Variants in GSE1 observed in about 807,000 individuals in gnomAD.
The protein encoded by GSE1 is Gse1 coiled-coil protein, also known as genetic suppressor element 1.
In GSE1, 32 loss-of-function variants were observed where a neutral mutation model predicts 112.6. That is an observed-to-expected ratio of 0.28 (90% CI 0.21 to 0.38). GSE1 has a LOEUF of 0.38. Among genes scored for constraint, GSE1 ranks in the 10% least tolerant of loss-of-function variants. The pLI, the probability that GSE1 is intolerant of heterozygous loss-of-function variation, is 1.00. For missense variants in GSE1, 2,348 were observed against 1,699.2 expected (o/e 1.38, Z -6.71); for synonymous variants, 1,115 against 735.6 (o/e 1.52, Z -8.35).
intron 2 of GSE1, among the ~76,000 whole-genome samples, chr16:85,487,393 T>C (rs1358638055): frequency 6.6e-6 from 1 of 152,168 alleles, no homozygotes; most frequent in Non-Finnish European, 1.5e-5. Context: ...TTCCTGGCTG[T>C]GACAGGCATG....
chr16:85,371,552 G>C (rs563138696), intron 2 of GSE1, among the ~76,000 whole-genome samples: 1 of 152,300 alleles, frequency 6.6e-6, no homozygotes, highest in Admixed American at 6.5e-5. Flanking sequence ...AGGATTCTAA[G>C]GGGGCGTGGC....
At chr16:85,508,017 C>T (rs982506996) in intron 2 of GSE1, among the ~76,000 whole-genome samples, 6 of 152,138 alleles carry the variant, frequency 3.9e-5, no homozygotes, top group African/African-American at 7.2e-5. Flanking sequence ...GCCAGTGCCC[C>T]GACTTCTAAC....
rs1466486347 is a variant in GSE1 at position 85,648,595 on chromosome 16, C to A, written c.270C>A (p.Ala90=). The A allele has an allele frequency of 1.2e-6, 2 of 1,605,310 alleles. No homozygotes were observed. The highest frequency in any genetic ancestry group is 1.1e-5 in the South Asian group (1 of 90,268). ...AGTCGTCCCCCGTGTCCTCTCCGGC[C>A]ACCAACCACAGCTCCCCCGCCAGCA... is the stretch of plus-strand genomic sequence containing the variant. The part of the protein sequence containing the change: ...SSESSPVSSP[A]TNHSSPASTP... The change falls in exon 3 of 16, where the codon GCC becomes GCA. Residue 90 remains alanine (A), a synonymous_variant. Coordinates refer to ENST00000253458, the MANE Select transcript of GSE1 (RefSeq NM_014615.5).
intron 2 of GSE1, among the ~76,000 whole-genome samples, chr16:85,444,312 G>A (rs1311736338): frequency 6.6e-6 from 1 of 152,172 alleles, no homozygotes; most frequent in African/African-American, 2.4e-5. Flanking sequence ...CAGCCCAAAG[G>A]ACATAAGCAA....
At chr16:85,287,534 C>A (rs747631298) in intron 1 of GSE1, among the ~76,000 whole-genome samples, 2 of 152,134 alleles carry the variant, frequency 1.3e-5, no homozygotes, top group South Asian at 2.1e-4. Context: ...CCAGCCACGC[C>A]GCTGCCTCAG....
rs116301914 is a variant in GSE1 at position 85,188,821 on chromosome 16, C to A, written c.2283+17014C>A. Among the ~76,000 whole-genome samples, 166 of 124,412 alleles carry A rather than the reference C, an allele frequency of 1.3e-3. 1 individual carries two copies. Among genetic ancestry groups the A allele is most frequent in the Middle Eastern group, 4.4e-3 (1 of 226 alleles). The allele number at this position is 124,412 out of a possible 152,430, so 81.6% of individuals were successfully genotyped here. On this transcript the variant is annotated intron_variant, in intron 1 of 2. Transcript: ENST00000637419. ...ATCTCTATCTTAAAAAAAAAAAAAA[C>A]AAAACAAAAAAACACAGGAGTTTAC...
chr16:85,627,693 CAT>C, intron 1 of GSE1, among the ~76,000 whole-genome samples: 1 of 152,172 alleles, frequency 6.6e-6, no homozygotes, highest in South Asian at 2.1e-4. Context: ...CCCCGGCCCT[CAT>C]CCGTCACAGG....
chr16:85,640,290 G>A (rs1477570475), intron 2 of GSE1, among the ~76,000 whole-genome samples: 1 of 152,232 alleles, frequency 6.6e-6, no homozygotes, highest in Non-Finnish European at 1.5e-5. Context: ...ACCTGCCCTG[G>A]AAGCTGCCAG....
intron 1 of GSE1, among the ~76,000 whole-genome samples, chr16:85,568,661 G>C (rs985024342): frequency 8.5e-5 from 13 of 152,176 alleles, no homozygotes; most frequent in Non-Finnish European, 1.8e-4. Context: ...TACCCAGGGC[G>C]GAGGCTCTTG....
At chr16:85,366,247 C>G (rs117648722) in intron 2 of GSE1, among the ~76,000 whole-genome samples, 1 of 152,232 alleles carries the variant, frequency 6.6e-6, no homozygotes, top group African/African-American at 2.4e-5. Flanking sequence ...CACTGCCAAG[C>G]GGCAGCTGCT....
intron 1 of GSE1, among the ~76,000 whole-genome samples, chr16:85,338,134 G>A (rs2046544677): frequency 6.6e-6 from 1 of 152,218 alleles, no homozygotes; most frequent in Non-Finnish European, 1.5e-5. Flanking sequence ...CTGGAGCCCT[G>A]AGCCTGGGCT....
At chr16:85,478,839 TTTTCTTTCTTTCTTTCTTTC>T (rs59687856) in intron 2 of GSE1, among the ~76,000 whole-genome samples, 3,612 of 102,608 alleles carry the variant, frequency 0.035, 307 homozygotes, top group Middle Eastern at 0.065. Context: ...CGCTCATTTA[TTTTCTTTCTTTCTTTCTTTC>T]TTTCTTTCTT....
chr16:85,283,506 A>C (rs543279062), intron 1 of GSE1: 1 of 152,732 alleles, frequency 6.5e-6, no homozygotes, highest in South Asian at 2.1e-4. Flanking sequence ...ACTCAGGCAG[A>C]GTAGTTGGCG....
At chr16:85,602,406 A>T (rs1029742107) in intron 1 of GSE1, among the ~76,000 whole-genome samples, 2 of 152,184 alleles carry the variant, frequency 1.3e-5, no homozygotes, top group African/African-American at 4.8e-5. Flanking sequence ...GTTTCTAAGG[A>T]TCCCTGGGAG....
intron 1 of GSE1, among the ~76,000 whole-genome samples, chr16:85,598,167 G>GT (rs973836177): frequency 0.092 from 6,594 of 71,448 alleles, 423 homozygotes; most frequent in African/African-American, 0.14. Flanking sequence ...AGGTTTGGTT[G>GT]TTTTTTTTTT....
At chr16:85,603,625 CTGAG>C (rs1352313819) in intron 1 of GSE1, among the ~76,000 whole-genome samples, 1 of 152,204 alleles carries the variant, frequency 6.6e-6, no homozygotes, top group East Asian at 1.9e-4. Flanking sequence ...CCTCAGCCTC[CTGAG>C]TAACTGGGAC....
intron 1 of GSE1, among the ~76,000 whole-genome samples, chr16:85,561,264 G>A (rs2045507253): frequency 3.9e-5 from 6 of 152,180 alleles, no homozygotes; most frequent in African/African-American, 1.4e-4. Context: ...GACAGCCAGG[G>A]AAACTGAGGT....
At position 85,519,286 on chromosome 16, in the gene GSE1, ACCACCATCACCG is replaced by A. The variant is rs1251139411; in HGVS notation, c.2465-114627_2465-114616del. ...CATCACTATCATCATCACCATCACC[ACCACCATCACCG>A]GTCTCCATCATCATCACCTTCACCA... On this transcript the variant is annotated intron_variant, in intron 2 of 2. Transcript: ENST00000637419. Among the ~76,000 whole-genome samples the A allele has an allele frequency of 3.7e-4, 41 of 111,644 alleles. 1 individual carries two copies. In the South Asian group the frequency reaches 9.2e-3, roughly 25 times the overall value. The allele number at this position is 111,644 out of a possible 152,430, so 73.2% of individuals were successfully genotyped here. A position where few individuals can be genotyped will look rare whatever the true frequency, so the allele number is the denominator to read the frequency against.
At chr16:85,671,372 G>A (rs948821632) in intron 15 of GSE1, among the ~76,000 whole-genome samples, 15 of 145,530 alleles carry the variant, frequency 1.0e-4, no homozygotes, top group Non-Finnish European at 1.8e-4. Flanking sequence ...CCCGGGAGGC[G>A]GAGCTTGCAG....
Sources: allele counts gnomAD v4.1 joint callset (sites outside exome capture counted in the v4.1 genomes callset), GRCh38; gene constraint gnomAD v4.1.1; transcripts MANE v1.5; gene names NCBI Gene and HGNC (gene_info 2026-07-23, HGNC 2026-07-21).